The following CTNND2 variants were observed in gnomAD, a reference collection of about 807,000 sequenced individuals.
CTNND2 encodes the protein catenin delta-2.
CTNND2 carries 22 observed loss-of-function variants against 144.4 expected under a neutral mutation model. The ratio of observed to expected loss-of-function variants is 0.15; its 90% CI spans 0.11 to 0.22. CTNND2 has a LOEUF of 0.22. Ranked by LOEUF, CTNND2 falls within the 10% of genes least tolerant of loss-of-function variation. The pLI, the probability that CTNND2 is intolerant of heterozygous loss-of-function variation, is 1.00. For missense variants in CTNND2, 1,353 were observed against 1,618.8 expected, an observed-to-expected ratio of 0.84 and a Z score of 2.82; for synonymous variants, 751 against 695.6, an observed-to-expected ratio of 1.08 and a Z score of -1.25.
chr5:11,241,034 C>G (rs1427929515), intron 9 of CTNND2, among the ~76,000 whole-genome samples: 1 of 148,230 alleles, frequency 6.7e-6, no homozygotes, highest in Middle Eastern at 3.2e-3. Context: ...ACACACCCAC[C>G]CCAACACACA....
At chr5:11,887,937 T>C (rs1736675877) in intron 1 of CTNND2, among the ~76,000 whole-genome samples, 1 of 152,204 alleles carries the variant, frequency 6.6e-6, no homozygotes, top group Non-Finnish European at 1.5e-5. Flanking sequence ...CAACACATTG[T>C]ATCAAGCTAT....
At chr5:11,142,032 C>A (rs1377553776) in intron 12 of CTNND2, among the ~76,000 whole-genome samples, 4 of 152,170 alleles carry the variant, frequency 2.6e-5, no homozygotes, top group African/African-American at 9.7e-5. Context: ...CTTCTGCCCT[C>A]AACCATGATG....
At chr5:11,608,852 C>T (rs1780184789) in intron 2 of CTNND2, among the ~76,000 whole-genome samples, 2 of 152,202 alleles carry the variant, frequency 1.3e-5, no homozygotes, top group African/African-American at 4.8e-5. Context: ...TCAGCAGCAG[C>T]AGCACCATCA....
chr5:11,746,201 C>A (rs936352396), intron 1 of CTNND2, among the ~76,000 whole-genome samples: 1 of 152,200 alleles, frequency 6.6e-6, no homozygotes, highest in Admixed American at 6.5e-5. Context: ...GTGTTGTGAA[C>A]ACGCAGAGTT....
At chr5:11,788,822 T>C (rs1581886976) in intron 1 of CTNND2, among the ~76,000 whole-genome samples, 2 of 129,544 alleles carry the variant, frequency 1.5e-5, no homozygotes, top group Non-Finnish European at 3.3e-5. Flanking sequence ...ATGCTATCCC[T>C]CCCCCCTCCC....
rs375393788 is a variant in CTNND2 at position 11,384,778 on chromosome 5, G to T, written c.1064C>A (p.Thr355Lys). The change falls in exon 7 of 22, where the codon ACG becomes AAG. Residue 355 changes from threonine to lysine, a missense_variant. Physicochemically the swap from Thr to Lys is moderately conservative, Grantham distance 78 (BLOSUM62 -1). Around this residue, in one of 4 missense-constraint regions of CTNND2, gnomAD observed 708 missense variants for 706.4 expected, o/e 1.00. Transcript: ENST00000304623. The surrounding 1 kb of genome is among the most constrained non-coding windows in gnomAD (Gnocchi z 5.2). ...CTTGGTGGGCGACAGGGTGGCGTAC[G>T]TGCCGATGGTGGAGCTCAGCTGGTG... ...PIHQLSSTIGTYATLSPTKRL... is the reference protein window; with the variant it reads ...PIHQLSSTIGKYATLSPTKRL... 1.2e-6 allele frequency: 2 copies of T among 1,613,198 alleles called. No homozygotes were observed. The highest frequency in any genetic ancestry group is 1.7e-4 in the Middle Eastern group (1 of 6,000).
rs1457858124 is a variant in CTNND2 at position 10,973,428 on chromosome 5, T to G, written c.*25A>C. On this transcript the variant is annotated 3_prime_UTR_variant, in exon 22 of 22. Coordinates refer to ENST00000304623, the MANE Select transcript of CTNND2 (RefSeq NM_001332.4). This position sits in a 1 kb window ranked among gnomAD's most constrained non-coding sequence, Gnocchi z 5.6. ...TGTGGTATGCATGCACATGCACTGTTCCCGGAGCGCCTGTGCCCTGCTCCT... is the reference window on the plus strand; with the variant it reads ...TGTGGTATGCATGCACATGCACTGTGCCCGGAGCGCCTGTGCCCTGCTCCT... 6.5e-7 allele frequency: 1 copy of G among 1,544,088 alleles called. No homozygotes were observed. The highest frequency in any genetic ancestry group is 8.7e-7 in the Non-Finnish European group (1 of 1,146,720).
In CTNND2 at chr5:11,104,816, ACAGGAGGGACTTTG is replaced by A. The variant is rs1752259956; in HGVS notation, c.2463+6028_2463+6041del. 2.0e-5 allele frequency among the ~76,000 whole-genome samples: 3 copies of A among 152,310 alleles called. No individual in the cohort carries two copies. In the South Asian group the frequency reaches 6.2e-4, roughly 32 times the overall value. On this transcript the variant is annotated intron_variant, in intron 14 of 21. Transcript: ENST00000304623. ...TGTCTCCAGGCTCTCCTTGCAAAAG[ACAGGAGGGACTTTG>A]CATTTGAGAGATTAGAAACCCGCAT... is the stretch of plus-strand genomic sequence containing the variant.
At chr5:11,594,596 C>T (rs1779415112) in intron 2 of CTNND2, among the ~76,000 whole-genome samples, 1 of 152,172 alleles carries the variant, frequency 6.6e-6, no homozygotes, top group African/African-American at 2.4e-5. Context: ...AAAGGAATCA[C>T]TATTTGCTGT....
intron 21 of CTNND2, among the ~76,000 whole-genome samples, chr5:10,975,835 A>T (rs1441595353): frequency 1.3e-5 from 2 of 152,258 alleles, no homozygotes; most frequent in East Asian, 3.8e-4. Context: ...GCTCTCCTCC[A>T]AAGTGGCTTC....
chr5:11,438,766 A>G (rs1003257905), intron 3 of CTNND2, among the ~76,000 whole-genome samples: 1 of 152,134 alleles, frequency 6.6e-6, no homozygotes, highest in Non-Finnish European at 1.5e-5. Flanking sequence ...GAAAAACATG[A>G]TTTAATCCCT....
At chr5:11,150,547 C>T (rs1319804461) in intron 12 of CTNND2, among the ~76,000 whole-genome samples, 2 of 150,372 alleles carry the variant, frequency 1.3e-5, no homozygotes, top group African/African-American at 4.9e-5. Flanking sequence ...CAGTGCAGCA[C>T]AGATAGCATC....
chr5:11,419,836 T>A (rs1263574485), intron 3 of CTNND2, among the ~76,000 whole-genome samples: 1 of 152,240 alleles, frequency 6.6e-6, no homozygotes, highest in Non-Finnish European at 1.5e-5. Flanking sequence ...AAATATACTC[T>A]TATTGTCTTT....
At chr5:11,053,461 A>G (rs1746048483) in intron 16 of CTNND2, among the ~76,000 whole-genome samples, 1 of 152,238 alleles carries the variant, frequency 6.6e-6, no homozygotes. Flanking sequence ...ATATATTAAT[A>G]CATTTTCCCT....
intron 1 of CTNND2, among the ~76,000 whole-genome samples, chr5:11,880,943 A>G (rs1426985681): frequency 3.5e-4 from 43 of 124,528 alleles, no homozygotes; most frequent in African/African-American, 1.2e-3. Context: ...ACTGCTACTA[A>G]TACTACTACT....
chr5:11,726,529 C>T lies in CTNND2; in HGVS notation c.174+5607G>A, dbSNP rs547854555. On this transcript the variant is annotated intron_variant, in intron 2 of 21. Transcript: ENST00000304623. ...TCCTATCTAATGTTTTAAACTTTTA[C>T]ACAACATGCATGAATTACGCCTTTA... Among the ~76,000 whole-genome samples the T allele has an allele frequency of 7.2e-5, 11 of 152,232 alleles. No homozygotes were observed. The East Asian group carries it at 2.1e-3, about 29-fold the overall frequency.
chr5:11,323,409 A>G (rs1483740534), intron 9 of CTNND2, among the ~76,000 whole-genome samples: 1 of 152,162 alleles, frequency 6.6e-6, no homozygotes, highest in African/African-American at 2.4e-5. Flanking sequence ...CCAAAAGTCA[A>G]TGAGTCACAT....
intron 1 of CTNND2, among the ~76,000 whole-genome samples, chr5:11,741,044 C>T (rs1054154320): frequency 1.3e-5 from 2 of 152,018 alleles, no homozygotes; most frequent in Non-Finnish European, 2.9e-5. Flanking sequence ...GTTAGAATGG[C>T]GATCATTAAA....
intron 3 of CTNND2, among the ~76,000 whole-genome samples, chr5:11,510,008 T>C (rs1771482634): frequency 6.6e-6 from 1 of 152,218 alleles, no homozygotes; most frequent in Non-Finnish European, 1.5e-5. Flanking sequence ...CACAGCTCAC[T>C]GAAATCTCAA....
Sources: allele counts gnomAD v4.1 joint callset (sites outside exome capture counted in the v4.1 genomes callset), GRCh38; gene constraint gnomAD v4.1.1; regional missense constraint gnomAD v4.1.1; non-coding constraint Gnocchi (gnomAD v3.1); transcripts MANE v1.5; gene names NCBI Gene and HGNC (gene_info 2026-07-23, HGNC 2026-07-21).